Variants in ASB3 observed in about 807,000 individuals in gnomAD.
ASB3 encodes ankyrin repeat and SOCS box protein 3.
In ASB3, 41 loss-of-function variants were observed where a neutral mutation model predicts 54.5. That is an observed-to-expected ratio of 0.75 (90% CI 0.59 to 0.98). ASB3 has a LOEUF of 0.98. Among genes scored for constraint, ASB3 ranks in the 50% least tolerant of loss-of-function variants. ASB3 has a pLI of 0.00. For synonymous variants in ASB3, 266 were observed against 221.2 expected, an observed-to-expected ratio of 1.20 and a Z score of -1.80; for missense variants, 733 against 620.0, an observed-to-expected ratio of 1.18 and a Z score of -1.94.
chr2:53,768,143 T>C, intron 1 of ASB3: 1 of 1,143,492 alleles, frequency 8.7e-7, no homozygotes, highest in East Asian at 2.6e-5. Flanking sequence ...AGCACATGGC[T>C]TGGGGTAACA....
chr2:53,716,461 G>A (rs1670397364), intron 6 of ASB3, 105 bp downstream of exon 6: 4 of 1,392,364 alleles, frequency 2.9e-6, no homozygotes, highest in Non-Finnish European at 3.9e-6. Context: ...TGGTAGGGAA[G>A]AGAATATCAA....
At chr2:53,692,062 C>T (rs1668946880) in intron 9 of ASB3, among the ~76,000 whole-genome samples, 3 of 152,136 alleles carry the variant, frequency 2.0e-5, no homozygotes, top group African/African-American at 4.8e-5. Flanking sequence ...GGATGCTTGG[C>T]AGCATCCCTG....
intron 1 of ASB3, chr2:53,774,707 A>T: frequency 2.0e-6 from 1 of 495,600 alleles, no homozygotes; most frequent in Non-Finnish European, 3.4e-6. Context: ...AAATTTTAAT[A>T]ACATAAAGAT....
chr2:53,715,509 A>T (rs1411729073), intron 6 of ASB3, among the ~76,000 whole-genome samples: 1 of 152,188 alleles, frequency 6.6e-6, no homozygotes, highest in East Asian at 1.9e-4. Flanking sequence ...AGAATTCTCA[A>T]AATTGAGAAC....
At chr2:53,706,858 C>T (rs1669802220) in intron 7 of ASB3, among the ~76,000 whole-genome samples, 1 of 152,324 alleles carries the variant, frequency 6.6e-6, no homozygotes, top group African/African-American at 2.4e-5. Flanking sequence ...AGCAATTCAT[C>T]CATTCTCACA....
chr2:53,785,248 C>A (rs1674880495), intron 1 of ASB3, among the ~76,000 whole-genome samples: 1 of 152,192 alleles, frequency 6.6e-6, no homozygotes, highest in South Asian at 2.1e-4. Context: ...CTTACCAATA[C>A]TAGAAATTAT....
chr2:53,708,881 T>C (rs531158159), intron 7 of ASB3, among the ~76,000 whole-genome samples: 1 of 152,202 alleles, frequency 6.6e-6, no homozygotes, highest in African/African-American at 2.4e-5. Context: ...CCTATGCTCA[T>C]ATGCATGAGC....
At chr2:53,748,524 C>T (rs1464902059) in intron 3 of ASB3, among the ~76,000 whole-genome samples, 1 of 152,176 alleles carries the variant, frequency 6.6e-6, no homozygotes, top group Admixed American at 6.5e-5. Flanking sequence ...ATTCAAAGTA[C>T]TTTCATAAAT....
At chr2:53,761,492 G>C (rs1673144318) in intron 2 of ASB3, among the ~76,000 whole-genome samples, 1 of 151,734 alleles carries the variant, frequency 6.6e-6, no homozygotes, top group African/African-American at 2.4e-5. Flanking sequence ...TCCTGCCCTT[G>C]GATACTGGAG....
intron 9 of ASB3, among the ~76,000 whole-genome samples, chr2:53,673,804 T>G (rs1485411522): frequency 6.6e-6 from 1 of 152,256 alleles, no homozygotes; most frequent in East Asian, 1.9e-4. Flanking sequence ...ACTTCAGGTA[T>G]TGGTTCAAAT....
chr2:53,763,267 G>C (rs1673247670), intron 2 of ASB3, among the ~76,000 whole-genome samples: 1 of 152,174 alleles, frequency 6.6e-6, no homozygotes, highest in Non-Finnish European at 1.5e-5. Context: ...ACTGAGGCAG[G>C]AGAACCGCTT....
chr2:53,779,805 A>G (rs1217669822), intron 1 of ASB3, among the ~76,000 whole-genome samples: 1 of 152,224 alleles, frequency 6.6e-6, no homozygotes, highest in Non-Finnish European at 1.5e-5. Context: ...CTCTGTTAAA[A>G]CAAGAGCTCC....
chr2:53,670,853 C>A (rs1371618909), intron 9 of ASB3, among the ~76,000 whole-genome samples, 163 bp from the exon 10 acceptor site: 1 of 152,106 alleles, frequency 6.6e-6, no homozygotes, highest in Non-Finnish European at 1.5e-5. Context: ...CTTATTTATT[C>A]TTTTCTACAG....
At chr2:53,678,560 A>G (rs1668204470) in intron 9 of ASB3, among the ~76,000 whole-genome samples, 1 of 152,232 alleles carries the variant, frequency 6.6e-6, no homozygotes, top group African/African-American at 2.4e-5. Flanking sequence ...ACATATGAAC[A>G]AAAATTCACT....
At chr2:53,724,714 C>G (rs2103884368) in intron 5 of ASB3, among the ~76,000 whole-genome samples, 1 of 152,078 alleles carries the variant, frequency 6.6e-6, no homozygotes, top group Middle Eastern at 3.4e-3. Context: ...CACAGAAATG[C>G]AAATCAAAAC....
intron 2 of ASB3, among the ~76,000 whole-genome samples, chr2:53,756,147 C>A (rs924833869): frequency 6.6e-6 from 1 of 151,988 alleles, no homozygotes; most frequent in South Asian, 2.1e-4. Flanking sequence ...GCTTGAGCAA[C>A]AGAGTAAGAC....
At chr2:53,774,423 T>C in intron 1 of ASB3, 1 of 1,611,498 alleles carries the variant, frequency 6.2e-7, no homozygotes, top group Non-Finnish European at 8.5e-7. Flanking sequence ...TTGCAAATTC[T>C]ATTAGGAACC....
intron 3 of ASB3, among the ~76,000 whole-genome samples, chr2:53,739,087 G>C (rs2103955883): frequency 6.6e-6 from 1 of 152,294 alleles, no homozygotes; most frequent in African/African-American, 2.4e-5. Flanking sequence ...AATGGCATGA[G>C]AACATATCCT....
intron 1 of ASB3, chr2:53,772,002 T>C (rs1452738092): frequency 5.3e-6 from 5 of 950,358 alleles, no homozygotes; most frequent in South Asian, 1.6e-5. Context: ...GCGATGTTTC[T>C]GTTTCAATTT....
Sources: allele counts gnomAD v4.1 joint callset (sites outside exome capture counted in the v4.1 genomes callset), GRCh38; gene constraint gnomAD v4.1.1; transcripts MANE v1.5; gene names NCBI Gene and HGNC (gene_info 2026-07-23, HGNC 2026-07-21).